The following EPHA6 variants were observed in gnomAD, a reference collection of about 807,000 sequenced individuals.
EPHA6 encodes ephrin type-A receptor 6.
EPHA6 carries 50 observed loss-of-function variants against 112.0 expected under a neutral mutation model. The observed-to-expected ratio is 0.45, with a 90% confidence interval of 0.36 to 0.56. The LOEUF (loss-of-function observed/expected upper bound fraction) is 0.56. Among genes scored for constraint, EPHA6 ranks in the 20% least tolerant of loss-of-function variants. The probability of loss-of-function intolerance (pLI) is 0.00; values close to 1 mark genes in which losing one functional copy is unlikely to be tolerated. For missense variants in EPHA6, 1,280 were observed against 1,417.4 expected, an observed-to-expected ratio of 0.90 and a Z score of 1.56; for synonymous variants, 529 against 490.7, an observed-to-expected ratio of 1.08 and a Z score of -1.03.
chr3:97,040,115 A>T (rs1017035956), intron 3 of EPHA6, among the ~76,000 whole-genome samples: 1 of 151,378 alleles, frequency 6.6e-6, no homozygotes, highest in African/African-American at 2.4e-5. Context: ...ATGATTAATT[A>T]TAATAATGAT....
intron 5 of EPHA6, among the ~76,000 whole-genome samples, chr3:97,358,232 G>A (rs559291108): frequency 1.6e-4 from 23 of 147,256 alleles, no homozygotes; most frequent in East Asian, 5.9e-4. Context: ...TTCCTTTTTC[G>A]TGTTTTTGGT....
At chr3:97,457,800 C>T (rs1309697755) in intron 7 of EPHA6, among the ~76,000 whole-genome samples, 2 of 152,012 alleles carry the variant, frequency 1.3e-5, no homozygotes, top group Non-Finnish European at 2.9e-5. Flanking sequence ...GGCGCGGTGG[C>T]TCATGCCTGT....
intron 3 of EPHA6, among the ~76,000 whole-genome samples, chr3:97,158,518 G>A (rs1231239737): frequency 6.6e-6 from 1 of 152,150 alleles, no homozygotes; most frequent in Non-Finnish European, 1.5e-5. Flanking sequence ...CCAAAGTTAA[G>A]GATGGGCACC....
intron 2 of EPHA6, among the ~76,000 whole-genome samples, chr3:96,960,108 G>C (rs1021830779): frequency 1.3e-5 from 2 of 152,084 alleles, no homozygotes; most frequent in Non-Finnish European, 2.9e-5. Flanking sequence ...ATTTTACCCT[G>C]GAGGCAAATG....
At chr3:97,221,772 C>T (rs1016739364) in intron 3 of EPHA6, among the ~76,000 whole-genome samples, 2 of 152,106 alleles carry the variant, frequency 1.3e-5, no homozygotes, top group African/African-American at 2.4e-5. Flanking sequence ...TGGCTCATGC[C>T]TGTAATCCCA....
At chr3:97,311,442 T>TCACACACACACACACACA (rs35415439) in intron 5 of EPHA6, among the ~76,000 whole-genome samples, 56 of 144,154 alleles carry the variant, frequency 3.9e-4, no homozygotes, top group African/African-American at 1.3e-3. Flanking sequence ...GATTACACTT[T>TCACACACACACACACACA]CACACACACA....
chr3:97,133,007 A>G (rs766912544), intron 3 of EPHA6, among the ~76,000 whole-genome samples: 1 of 152,224 alleles, frequency 6.6e-6, no homozygotes, highest in Middle Eastern at 3.4e-3. Flanking sequence ...TGTCGTATGC[A>G]TATATACAAT....
intron 3 of EPHA6, among the ~76,000 whole-genome samples, chr3:97,215,622 A>T (rs1318527542): frequency 6.6e-6 from 1 of 152,070 alleles, no homozygotes; most frequent in Non-Finnish European, 1.5e-5. Flanking sequence ...AAAAAAAAAA[A>T]AAATAGAAAA....
chr3:96,920,613 T>G (rs1355254486), intron 2 of EPHA6, among the ~76,000 whole-genome samples: 2 of 151,934 alleles, frequency 1.3e-5, no homozygotes, highest in Non-Finnish European at 2.9e-5. Context: ...CATCACTTAA[T>G]TACCCGTATT....
chr3:97,542,762 T>C lies in EPHA6; in HGVS notation c.2386+10219T>C, dbSNP rs550749018. Among the ~76,000 whole-genome samples, 6 of 152,314 alleles carry C rather than the reference T, an allele frequency of 3.9e-5. 1 individual carries two copies. In the East Asian group the frequency reaches 1.2e-3, roughly 29 times the overall value. ...CACATCCTCTCCAGCACCTGTTGTT[T>C]CCTGACTTTTTAATGATCGCCATTC... On this transcript the variant is annotated intron_variant, in intron 11 of 17. Coordinates refer to ENST00000389672, the MANE Select transcript of EPHA6 (RefSeq NM_001080448.3).
chr3:97,596,604 A>T (rs1545127), intron 12 of EPHA6, among the ~76,000 whole-genome samples: 5 of 151,524 alleles, frequency 3.3e-5, no homozygotes, highest in African/African-American at 1.2e-4. Flanking sequence ...TGTCTCAAAA[A>T]TTAGACCAAC....
intron 3 of EPHA6, among the ~76,000 whole-genome samples, chr3:97,203,461 A>G (rs2077631718): frequency 6.6e-6 from 1 of 152,120 alleles, no homozygotes; most frequent in African/African-American, 2.4e-5. Flanking sequence ...TTGCCACAAA[A>G]CAAAGCATCA....
intron 14 of EPHA6, among the ~76,000 whole-genome samples, chr3:97,640,079 A>T (rs992237127): frequency 1.3e-5 from 2 of 152,170 alleles, no homozygotes; most frequent in Non-Finnish European, 2.9e-5. Context: ...ACAGGTTAGA[A>T]GGTTCATGCT....
chr3:97,466,094 A>T (rs1173251792), intron 7 of EPHA6, among the ~76,000 whole-genome samples: 1 of 151,956 alleles, frequency 6.6e-6, no homozygotes, highest in African/African-American at 2.4e-5. Flanking sequence ...AGAAAAATAA[A>T]TTGGAATATC....
chr3:97,470,564 G>A (rs965575005), intron 7 of EPHA6, among the ~76,000 whole-genome samples: 3 of 151,516 alleles, frequency 2.0e-5, no homozygotes, highest in Non-Finnish European at 3.0e-5. Context: ...CTCCATAGAA[G>A]AAAATTCTTT....
At chr3:97,198,901 A>G (rs535752863) in intron 3 of EPHA6, among the ~76,000 whole-genome samples, 3 of 152,226 alleles carry the variant, frequency 2.0e-5, no homozygotes, top group African/African-American at 7.2e-5. Context: ...TTCCATGATG[A>G]TGACTGATTC....
chr3:97,366,457 A>G (rs1450158659), intron 5 of EPHA6, among the ~76,000 whole-genome samples: 1 of 152,222 alleles, frequency 6.6e-6, no homozygotes, highest in Non-Finnish European at 1.5e-5. Context: ...TTAAAATTAC[A>G]TAATAGATTA....
rs138073407 is a variant in EPHA6, at chr3:96,976,890, G to A, written c.451-10440G>A. 8.5e-5 allele frequency among the ~76,000 whole-genome samples: 13 copies of A among 152,296 alleles called. 2 individuals carry two copies. Among genetic ancestry groups the A allele is most frequent in the African/African-American group, 2.9e-4 (12 of 41,574 alleles). Reference sequence around the variant, plus strand: ...TCCTGGGATTCATCCTCCAAAGGATGTACTGTGACACTGGTGTGCTCAGCC... The same window carrying A: ...TCCTGGGATTCATCCTCCAAAGGATATACTGTGACACTGGTGTGCTCAGCC... On this transcript the variant is annotated intron_variant, in intron 2 of 17. Coordinates refer to ENST00000389672, the MANE Select transcript of EPHA6 (RefSeq NM_001080448.3).
intron 16 of EPHA6, among the ~76,000 whole-genome samples, chr3:97,738,157 A>AT (rs1559639052): frequency 2.6e-4 from 2 of 7,616 alleles, no homozygotes; most frequent in Non-Finnish European, 1.1e-3. Flanking sequence ...ACATAATACC[A>AT]ATTTTTTTTT....
Sources: gnomAD v4.1 joint callset for allele counts (sites outside exome capture counted in the v4.1 genomes callset) on GRCh38, gnomAD v4.1.1 for gene constraint, MANE v1.5 for transcripts, NCBI Gene and HGNC (gene_info 2026-07-23, HGNC 2026-07-21) for gene names.